PHF21A: variants seen among roughly 807,000 people sequenced by gnomAD.
PHF21A encodes PHD finger protein 21A.
PHF21A carries 11 observed loss-of-function variants against 82.5 expected under a neutral mutation model. That is an observed-to-expected ratio of 0.13 (90% CI 0.08 to 0.22). The LOEUF is 0.22. Ranked by LOEUF, PHF21A falls within the 10% of genes least tolerant of loss-of-function variation. The pLI is 1.00. For missense variants in PHF21A, 579 were observed against 837.8 expected, an observed-to-expected ratio of 0.69 and a Z score of 3.81; for synonymous variants, 297 against 302.8, an observed-to-expected ratio of 0.98 and a Z score of 0.20.
At chr11:46,060,933 T>C (rs1313112998) in intron 6 of PHF21A, among the ~76,000 whole-genome samples, 2 of 152,260 alleles carry the variant, frequency 1.3e-5, no homozygotes, top group Non-Finnish European at 2.9e-5. Flanking sequence ...CCAGGGTTTT[T>C]ATAGTTTTGG....
At chr11:46,074,459 G>C (rs939159389) in intron 6 of PHF21A, among the ~76,000 whole-genome samples, 6 of 115,360 alleles carry the variant, frequency 5.2e-5, no homozygotes, top group East Asian at 2.1e-4. Flanking sequence ...CTCTTTTGGC[G>C]GGAGGGGGGA....
At chr11:45,955,772 G>A (rs1486959150) in intron 10 of PHF21A, among the ~76,000 whole-genome samples, 2 of 152,186 alleles carry the variant, frequency 1.3e-5, no homozygotes, top group African/African-American at 4.8e-5. Flanking sequence ...TTGCTCTGGG[G>A]GAAGCCAGCT....
In PHF21A at chr11:45,936,627, G is replaced by T. The variant is rs1338737748; in HGVS notation, c.1609-58C>A. On this transcript the variant is annotated intron_variant, in intron 16 of 18. Transcript: ENST00000676320. ...GGAGGTTTAAACACACATCCTCTAT[G>T]TAACAGCTAGCAGTGGTATCTGTGG... 7.3e-6 allele frequency: 8 copies of T among 1,093,756 alleles called. No homozygotes were observed. The Admixed American group carries it at 1.2e-4, about 16-fold the overall frequency. The allele number at this position is 1,093,756 out of a possible 1,614,324, so 67.8% of individuals were successfully genotyped here.
intron 6 of PHF21A, among the ~76,000 whole-genome samples, chr11:46,021,483 G>C (rs992879366): frequency 2.0e-5 from 3 of 152,086 alleles, no homozygotes; most frequent in Non-Finnish European, 4.4e-5. Flanking sequence ...ATCACCAAGG[G>C]TGCCACAGAA....
chr11:46,012,494 TC>T (rs2095432229), intron 6 of PHF21A, among the ~76,000 whole-genome samples: 1 of 152,222 alleles, frequency 6.6e-6, no homozygotes, highest in South Asian at 2.1e-4. Context: ...TGGACAGAAT[TC>T]TGGCCCTCAT....
At chr11:46,104,261 T>C (rs2097129714) in intron 1 of PHF21A, among the ~76,000 whole-genome samples, 1 of 152,188 alleles carries the variant, frequency 6.6e-6, no homozygotes, top group African/African-American at 2.4e-5. Flanking sequence ...TAAATACACA[T>C]AATTTGCCAG....
At chr11:46,082,220 G>C (rs1304172790) in intron 4 of PHF21A, among the ~76,000 whole-genome samples, 1 of 152,148 alleles carries the variant, frequency 6.6e-6, no homozygotes, top group Non-Finnish European at 1.5e-5. Context: ...GATAGTTTCA[G>C]AACACATTTT....
intron 10 of PHF21A, among the ~76,000 whole-genome samples, chr11:45,956,801 G>A (rs998208998): frequency 6.6e-6 from 1 of 152,122 alleles, no homozygotes; most frequent in Non-Finnish European, 1.5e-5. Context: ...ATAGCAAAAT[G>A]GCGTAAGTCC....
intron 6 of PHF21A, among the ~76,000 whole-genome samples, chr11:46,071,446 C>G (rs1266694048): frequency 6.6e-6 from 1 of 152,182 alleles, no homozygotes; most frequent in Non-Finnish European, 1.5e-5. Context: ...AAAATAAACA[C>G]TTAGGTAAAA....
At chr11:45,943,795 T>A (rs543017058) in intron 15 of PHF21A, among the ~76,000 whole-genome samples, 2 of 152,220 alleles carry the variant, frequency 1.3e-5, no homozygotes, top group South Asian at 2.1e-4. Context: ...AAAGTTAACA[T>A]CACCAACAAC....
In PHF21A at chr11:45,934,093, C is replaced by A. The variant is rs145172014; in HGVS notation, c.1921G>T (p.Val641Leu). 2 of 1,613,998 alleles carry A rather than the reference C, an allele frequency of 1.2e-6. No homozygotes were observed. The highest frequency in any genetic ancestry group is 2.7e-5 in the African/African-American group (2 of 74,920). The change falls in exon 19 of 19, where the codon GTG becomes TTG. Residue 641 changes from valine (V) to leucine (L), a missense_variant. By Grantham distance (32) the Val-to-Leu change is conservative. This residue lies in a region of PHF21A where 157 missense variants were observed against 149.4 expected (regional missense o/e 1.05). Coordinates refer to ENST00000676320, the MANE Select transcript of PHF21A (RefSeq NM_001352027.3). ...LSKPVDSEAT[V>L]GAISNGPDCT... Reference sequence around the variant, plus strand: ...TCCGGGCCATTGGAGATGGCCCCCACAGTGGCCTCAGAGTCTACAGGTTTG... The same window carrying A: ...TCCGGGCCATTGGAGATGGCCCCCAAAGTGGCCTCAGAGTCTACAGGTTTG...
chr11:46,075,287 T>G (rs2096712019), intron 6 of PHF21A, among the ~76,000 whole-genome samples: 1 of 152,248 alleles, frequency 6.6e-6, no homozygotes, highest in South Asian at 2.1e-4. Flanking sequence ...AAATGTAGTC[T>G]TAAGTTATCT....
At chr11:46,092,872 C>T (rs1272405237) in intron 1 of PHF21A, among the ~76,000 whole-genome samples, 1 of 151,854 alleles carries the variant, frequency 6.6e-6, no homozygotes, top group South Asian at 2.1e-4. Flanking sequence ...ATCCTCCCAC[C>T]TCAGCCTCCT....
At chr11:46,040,817 C>T (rs898717239) in intron 6 of PHF21A, among the ~76,000 whole-genome samples, 2 of 151,358 alleles carry the variant, frequency 1.3e-5, no homozygotes, top group African/African-American at 4.9e-5. Context: ...TAGCAAAAGC[C>T]CAGGAATAGC....
At chr11:45,956,870 C>T (rs2092680356) in intron 10 of PHF21A, among the ~76,000 whole-genome samples, 1 of 152,204 alleles carries the variant, frequency 6.6e-6, no homozygotes, top group South Asian at 2.1e-4. Context: ...AAAAGACCGA[C>T]TGGCAGAATG....
In PHF21A at chr11:45,966,868, T is replaced by G. The variant is rs541817877; in HGVS notation, c.703-1260A>C. Among the ~76,000 whole-genome samples the G allele has an allele frequency of 3.9e-5, 6 of 152,186 alleles. No homozygotes were observed. In the East Asian group the frequency reaches 1.2e-3, roughly 30 times the overall value. On this transcript the variant is annotated intron_variant, in intron 9 of 18. Transcript: ENST00000676320. ...TTCTGACCTCGGGATCCACCCGCCT[T>G]GGCCTCCCAGAGTGCTGGGATTACA...
At chr11:46,049,542 G>A in intron 6 of PHF21A, 1 of 454,712 alleles carries the variant, frequency 2.2e-6, no homozygotes, top group South Asian at 1.6e-5. Context: ...GTAGAAGAGG[G>A]TGTGGCGGGG....
intron 9 of PHF21A, among the ~76,000 whole-genome samples, chr11:45,968,344 C>A (rs1385673191): frequency 6.6e-6 from 1 of 152,216 alleles, no homozygotes; most frequent in African/African-American, 2.4e-5. Flanking sequence ...GCATAGCCTA[C>A]AAGGTTCCAC....
At chr11:46,027,257 C>T (rs2138122494) in intron 6 of PHF21A, among the ~76,000 whole-genome samples, 1 of 152,332 alleles carries the variant, frequency 6.6e-6, no homozygotes, top group South Asian at 2.1e-4. Flanking sequence ...ACAACATGAA[C>T]AGGCCAAGGA....
Sources: gnomAD v4.1 joint callset for allele counts (sites outside exome capture counted in the v4.1 genomes callset) on GRCh38, gnomAD v4.1.1 for gene constraint, gnomAD v4.1.1 regional missense constraint, MANE v1.5 for transcripts, NCBI Gene and HGNC (gene_info 2026-07-23, HGNC 2026-07-21) for gene names.